PDE4D: variants seen among roughly 807,000 people sequenced by gnomAD.
PDE4D encodes 3',5'-cyclic-AMP phosphodiesterase 4D.
In PDE4D, 24 loss-of-function variants were observed where a neutral mutation model predicts 87.4. The ratio of observed to expected loss-of-function variants is 0.27; its 90% CI spans 0.20 to 0.39. PDE4D has a LOEUF of 0.39. Ranked by LOEUF, PDE4D falls within the 10% of genes least tolerant of loss-of-function variation. The pLI, the probability that PDE4D is intolerant of heterozygous loss-of-function variation, is 1.00. For synonymous variants in PDE4D, 384 were observed against 383.2 expected (o/e 1.00, Z -0.02); for missense variants, 714 against 1,041.0 (o/e 0.69, Z 4.32).
chr5:60,147,646 G>A (rs1336207304), intron 2 of PDE4D: 1 of 330,832 alleles, frequency 3.0e-6, no homozygotes. Flanking sequence ...GAATTCAGGA[G>A]AGCTTAGGGT....
chr5:59,138,471 G>A (rs1777443596), intron 5 of PDE4D, among the ~76,000 whole-genome samples: 1 of 152,156 alleles, frequency 6.6e-6, no homozygotes, highest in Admixed American at 6.5e-5. Flanking sequence ...ATTTTGAGTA[G>A]AGATGGGGTT....
intron 2 of PDE4D, among the ~76,000 whole-genome samples, chr5:60,025,887 C>CAAAA (rs1168897585): frequency 6.6e-6 from 1 of 152,080 alleles, no homozygotes. Flanking sequence ...GTCTCAGAAA[C>CAAAA]AACAAACAAA....
intron 1 of PDE4D, among the ~76,000 whole-genome samples, chr5:60,393,730 CT>C (rs1207725166): frequency 6.6e-6 from 1 of 152,190 alleles, no homozygotes; most frequent in East Asian, 1.9e-4. Context: ...ACTTAAAACT[CT>C]TTTCACTTTA....
chr5:59,427,891 A>G (rs554347596), intron 1 of PDE4D, among the ~76,000 whole-genome samples: 122 of 152,246 alleles, frequency 8.0e-4, no homozygotes, highest in African/African-American at 2.8e-3. Flanking sequence ...AAAGAAAATT[A>G]TATTTCTTAC....
At chr5:60,153,917 TA>T (rs1346011630) in intron 2 of PDE4D, among the ~76,000 whole-genome samples, 1 of 152,222 alleles carries the variant, frequency 6.6e-6, no homozygotes, top group Non-Finnish European at 1.5e-5. Context: ...GTAAGACGAA[TA>T]AGTCCTAGAG....
At chr5:59,315,088 T>A (rs916012472) in intron 1 of PDE4D, among the ~76,000 whole-genome samples, 1 of 152,152 alleles carries the variant, frequency 6.6e-6, no homozygotes, top group African/African-American at 2.4e-5. Context: ...CCCCTCTCAC[T>A]TTGCTGAAAG....
chr5:60,364,336 A>G (rs1760342227), intron 1 of PDE4D, among the ~76,000 whole-genome samples: 1 of 152,326 alleles, frequency 6.6e-6, no homozygotes, highest in South Asian at 2.1e-4. Flanking sequence ...GAGGGTAGAC[A>G]GTAAGGAAAA....
chr5:60,081,021 G>A (rs1482282291), intron 2 of PDE4D, among the ~76,000 whole-genome samples: 4 of 151,958 alleles, frequency 2.6e-5, no homozygotes, highest in Admixed American at 2.0e-4. Flanking sequence ...GGATTTTTTT[G>A]GTTGGTAGGC....
chr5:60,382,075 A>T (rs1466836318), intron 1 of PDE4D, among the ~76,000 whole-genome samples: 2 of 152,220 alleles, frequency 1.3e-5, no homozygotes, highest in East Asian at 1.9e-4. Context: ...ATAACATTTT[A>T]AAATCAGCTG....
intron 1 of PDE4D, among the ~76,000 whole-genome samples, chr5:59,783,892 C>A (rs781708525): frequency 5.9e-5 from 9 of 152,058 alleles, no homozygotes; most frequent in Admixed American, 3.3e-4. Flanking sequence ...TATGGCGAAA[C>A]CCTATCTCTA....
chr5:59,172,333 A>T (rs979378135), intron 5 of PDE4D, among the ~76,000 whole-genome samples: 16 of 133,532 alleles, frequency 1.2e-4, no homozygotes, highest in African/African-American at 4.2e-4. Context: ...TATAATATAT[A>T]ATATATTATA....
intron 1 of PDE4D, among the ~76,000 whole-genome samples, chr5:60,453,274 C>A (rs1341843288): frequency 1.3e-5 from 2 of 152,034 alleles, no homozygotes; most frequent in African/African-American, 4.8e-5. Flanking sequence ...TAGTCGCAAA[C>A]CTGGGAATTA....
intron 5 of PDE4D, among the ~76,000 whole-genome samples, chr5:59,116,423 AAAC>A (rs1415847738): frequency 2.0e-5 from 3 of 152,310 alleles, no homozygotes; most frequent in African/African-American, 4.8e-5. Flanking sequence ...CAGGTTTTAA[AAAC>A]AACATTTGGC....
intron 1 of PDE4D, among the ~76,000 whole-genome samples, chr5:59,863,466 A>G (rs544796733): frequency 6.6e-6 from 1 of 152,330 alleles, no homozygotes. Context: ...TCACTACTTC[A>G]AAAATCATGA....
chr5:59,986,729 A>G (rs1306641072), intron 3 of PDE4D: 1 of 152,178 alleles, frequency 6.6e-6, no homozygotes, highest in Non-Finnish European at 1.5e-5. Context: ...GACTGGCTCA[A>G]TTTGCCTAAA....
chr5:59,087,795 G>A (rs928954621), intron 5 of PDE4D, among the ~76,000 whole-genome samples: 12 of 152,082 alleles, frequency 7.9e-5, no homozygotes, highest in South Asian at 6.2e-4. Context: ...ATATTTGCTC[G>A]AACTATTGAC....
intron 5 of PDE4D, among the ~76,000 whole-genome samples, chr5:59,055,460 C>T (rs889015434): frequency 1.9e-4 from 29 of 152,138 alleles, no homozygotes; most frequent in Admixed American, 7.2e-4. Context: ...CCCATTATTC[C>T]CCTGTGGTTG....
chr5:58,976,288 C>T (rs955045076), intron 13 of PDE4D, 62 bp downstream of exon 13: 79 of 1,531,142 alleles, frequency 5.2e-5, no homozygotes, highest in Middle Eastern at 1.7e-4. Flanking sequence ...AAGCTGAACA[C>T]GCAGACATGT....
intron 1 of PDE4D, among the ~76,000 whole-genome samples, chr5:59,868,894 C>T (rs1228124541): frequency 6.6e-6 from 1 of 152,202 alleles, no homozygotes; most frequent in Non-Finnish European, 1.5e-5. Flanking sequence ...CCCATCTCCT[C>T]TAAAACTATC....
Sources: allele counts gnomAD v4.1 joint callset (sites outside exome capture counted in the v4.1 genomes callset), GRCh38; gene constraint gnomAD v4.1.1; transcripts MANE v1.5; gene names NCBI Gene and HGNC (gene_info 2026-07-23, HGNC 2026-07-21).